The following SPON1 variants were observed in gnomAD, a reference collection of about 807,000 sequenced individuals.
The protein encoded by SPON1 is spondin-1.
SPON1 carries 52 observed loss-of-function variants against 111.7 expected under a neutral mutation model. The ratio of observed to expected loss-of-function variants is 0.47; its 90% CI spans 0.37 to 0.59. The LOEUF (loss-of-function observed/expected upper bound fraction) is 0.59, where lower values mean the gene tolerates loss of function less well. Ranked by LOEUF, SPON1 falls within the 20% of genes least tolerant of loss-of-function variation. The probability of loss-of-function intolerance (pLI) is 0.00; values close to 1 mark genes in which losing one functional copy is unlikely to be tolerated. For missense variants in SPON1, 957 were observed against 1,068.5 expected, an observed-to-expected ratio of 0.90 and a Z score of 1.46; for synonymous variants, 410 against 395.8, an observed-to-expected ratio of 1.04 and a Z score of -0.43.
At chr11:14,080,062 T>C (rs782260819) in intron 5 of SPON1, 41 bp downstream of exon 5, 10 of 1,612,824 alleles carry the variant, frequency 6.2e-6, no homozygotes, top group South Asian at 2.2e-5. Flanking sequence ...GAAAAGCACA[T>C]TGTCAAAGTT....
chr11:13,977,281 C>T (rs1005094423), intron 1 of SPON1, among the ~76,000 whole-genome samples: 1 of 152,212 alleles, frequency 6.6e-6, no homozygotes, highest in African/African-American at 2.4e-5. Context: ...AATTTAGCAG[C>T]AAAATTGCTA....
At chr11:14,174,489 T>G (rs1554932893) in intron 6 of SPON1, among the ~76,000 whole-genome samples, 1 of 152,136 alleles carries the variant, frequency 6.6e-6, no homozygotes, top group African/African-American at 2.4e-5. Flanking sequence ...GCCTTTGATT[T>G]TGAGAGGGAT....
At chr11:14,171,283 G>T (rs1426241687) in intron 6 of SPON1, among the ~76,000 whole-genome samples, 1 of 152,206 alleles carries the variant, frequency 6.6e-6, no homozygotes, top group Non-Finnish European at 1.5e-5. Flanking sequence ...TATTTGCGTA[G>T]AGGTGTTTAT....
intron 6 of SPON1, among the ~76,000 whole-genome samples, chr11:14,225,307 T>C (rs1268542569): frequency 1.3e-5 from 2 of 152,208 alleles, no homozygotes; most frequent in Admixed American, 6.5e-5. Flanking sequence ...GTGTCTATTT[T>C]CTAAGTGTTC....
intron 10 of SPON1, among the ~76,000 whole-genome samples, chr11:14,257,511 T>G (rs1554941335): frequency 2.6e-5 from 4 of 152,218 alleles, no homozygotes; most frequent in Admixed American, 1.3e-4. Context: ...ATTCTGCTTA[T>G]TTAGATTAGA....
chr11:14,151,842 C>T (rs2133868733), intron 6 of SPON1, among the ~76,000 whole-genome samples: 1 of 152,322 alleles, frequency 6.6e-6, no homozygotes, highest in East Asian at 1.9e-4. Flanking sequence ...GATTCTACCT[C>T]AACATTATAA....
At chr11:14,088,705 G>C (rs1849026711) in intron 5 of SPON1, among the ~76,000 whole-genome samples, 1 of 151,904 alleles carries the variant, frequency 6.6e-6, no homozygotes, top group Non-Finnish European at 1.5e-5. Flanking sequence ...AAGTTCTCTT[G>C]GATAATATCC....
At chr11:14,093,439 G>A (rs1849074509) in intron 5 of SPON1, among the ~76,000 whole-genome samples, 1 of 152,166 alleles carries the variant, frequency 6.6e-6, no homozygotes, top group African/African-American at 2.4e-5. Flanking sequence ...AATCACCTTT[G>A]ACAATGTAAG....
intron 2 of SPON1, among the ~76,000 whole-genome samples, chr11:14,018,019 A>G (rs1848455606): frequency 6.6e-6 from 1 of 152,190 alleles, no homozygotes; most frequent in African/African-American, 2.4e-5. Context: ...TAATTAACTT[A>G]TACTATACTT....
chr11:14,113,671 C>T (rs529125408), intron 5 of SPON1, among the ~76,000 whole-genome samples: 7 of 135,584 alleles, frequency 5.2e-5, no homozygotes, highest in Non-Finnish European at 7.7e-5. Flanking sequence ...GGCGCGATCT[C>T]GGCTCACTGC....
chr11:14,005,724 A>T (rs1479228279), intron 2 of SPON1, among the ~76,000 whole-genome samples: 3 of 66,882 alleles, frequency 4.5e-5, no homozygotes, highest in African/African-American at 1.9e-4. Flanking sequence ...GTAAGTTGCT[A>T]AGTATTATTA....
At chr11:14,185,373 A>G (rs1488690007) in intron 6 of SPON1, among the ~76,000 whole-genome samples, 4 of 152,142 alleles carry the variant, frequency 2.6e-5, no homozygotes, top group Non-Finnish European at 5.9e-5. Context: ...TCTATTTACT[A>G]TCAACTTTGA....
chr11:14,016,006 G>A (rs1478767224), intron 2 of SPON1, among the ~76,000 whole-genome samples: 1 of 152,234 alleles, frequency 6.6e-6, no homozygotes, highest in Non-Finnish European at 1.5e-5. Flanking sequence ...GCAGAGGGCA[G>A]GATAGTTGAT....
intron 1 of SPON1, 59 bp downstream of exon 1, chr11:13,963,201 A>G: frequency 7.5e-7 from 1 of 1,331,830 alleles, no homozygotes; most frequent in Non-Finnish European, 9.9e-7. Context: ...GAGGGCGCCG[A>G]CCTCGCGGTG....
At chr11:14,005,140 A>C (rs1017227055) in intron 2 of SPON1, among the ~76,000 whole-genome samples, 14 of 152,184 alleles carry the variant, frequency 9.2e-5, no homozygotes, top group Admixed American at 2.6e-4. Flanking sequence ...ATCCAAAAAA[A>C]TTATTACAAA....
intron 6 of SPON1, among the ~76,000 whole-genome samples, chr11:14,229,359 G>A (rs1848770949): frequency 6.6e-6 from 1 of 152,200 alleles, no homozygotes; most frequent in African/African-American, 2.4e-5. Flanking sequence ...GGGGACAAGG[G>A]CAGGAGCATT....
chr11:14,226,508 T>C (rs1591418221), intron 6 of SPON1, among the ~76,000 whole-genome samples: 3 of 152,226 alleles, frequency 2.0e-5, no homozygotes, highest in Admixed American at 2.0e-4. Context: ...ACCACAAGAG[T>C]ATCATATCAC....
Position 14,259,777 on chromosome 11 carries a change from AC to A in SPON1, c.1831+78del. On this transcript the variant is annotated intron_variant, in intron 13 of 15. Transcript: ENST00000576479. This position sits in a 1 kb window ranked among gnomAD's most constrained non-coding sequence, Gnocchi z 5.0. ...GAGGGCCATGGCATCCACTATTACC[AC>A]CATAAAGGTCGGAGGCTGAGCAGAG... 1 of 1,456,944 alleles carries A rather than the reference AC, an allele frequency of 6.9e-7. No homozygotes were observed. Among genetic ancestry groups the A allele is most frequent in the Non-Finnish European group, 9.3e-7 (1 of 1,079,722 alleles). The allele number at this position is 1,456,944 out of a possible 1,614,324, so 90.3% of individuals were successfully genotyped here. A position where few individuals can be genotyped will look rare whatever the true frequency, so the allele number is the denominator to read the frequency against.
chr11:14,259,601 C>G lies in SPON1; in HGVS notation c.1731C>G (p.Gly577=), dbSNP rs1329747710. 7.1e-6 allele frequency: 11 copies of G among 1,556,480 alleles called. No individual in the cohort carries two copies. In the Admixed American group the frequency reaches 2.1e-4, roughly 30 times the overall value. Residue 577 remains glycine (G), a synonymous_variant, in exon 13 of 16, where the codon GGC becomes GGG. Coordinates refer to ENST00000576479, the MANE Select transcript of SPON1 (RefSeq NM_006108.4). This position sits in a 1 kb window ranked among gnomAD's most constrained non-coding sequence, Gnocchi z 5.0. The stretch of plus-strand genomic sequence containing the variant: ...AGTGCAGCGCCACCTGCGGCATGGG[C>G]ATGAAGAAGCGGCACCGCATGATCA... ...WDECSATCGM[G]MKKRHRMIKM... is the part of the protein sequence containing the mutation.
Sources: allele counts gnomAD v4.1 joint callset (sites outside exome capture counted in the v4.1 genomes callset), GRCh38; gene constraint gnomAD v4.1.1; non-coding constraint Gnocchi (gnomAD v3.1); transcripts MANE v1.5; gene names NCBI Gene and HGNC (gene_info 2026-07-23, HGNC 2026-07-21).